The following SEPHS1 variants were observed in gnomAD, a reference collection of about 807,000 sequenced individuals.
SEPHS1 encodes zincore component SEPHS1.
A neutral mutation model predicts 39.2 loss-of-function variants in SEPHS1; 7 were observed. The ratio of observed to expected loss-of-function variants is 0.18; its 90% CI spans 0.10 to 0.34. SEPHS1 has a LOEUF of 0.34. SEPHS1 is among the 10% of genes least tolerant of loss of function. The pLI, the probability that SEPHS1 is intolerant of heterozygous loss-of-function variation, is 1.00. For synonymous variants in SEPHS1, 190 were observed against 195.5 expected (o/e 0.97, Z 0.23); for missense variants, 253 against 514.5 (o/e 0.49, Z 4.92).
In SEPHS1 at chr10:13,318,600, T is replaced by C. The variant is rs1833011610; in HGVS notation, c.*542A>G. The C allele has an allele frequency of 1.3e-5, 2 of 153,536 alleles. No homozygotes were observed. Among genetic ancestry groups the C allele is most frequent in the Admixed American group, 6.5e-5 (1 of 15,274 alleles). 9.5% of individuals were successfully genotyped at this position (153,536 alleles called of 1,614,324 possible). ...CTGAATGCACTACTGGAGAATGTTC[T>C]GGGTCCGAGATGCTCTTGAGAGACA... On this transcript the variant is annotated 3_prime_UTR_variant, in exon 9 of 9. Coordinates refer to ENST00000327347, the MANE Select transcript of SEPHS1 (RefSeq NM_012247.5).
chr10:13,321,883 T>C (rs1412511353), intron 8 of SEPHS1, among the ~76,000 whole-genome samples: 1 of 152,018 alleles, frequency 6.6e-6, no homozygotes, highest in Admixed American at 6.6e-5. Context: ...ACCAAATTAA[T>C]CAGGAAACAA....
At chr10:13,323,632 T>C (rs774768065) in intron 7 of SEPHS1, among the ~76,000 whole-genome samples, 57 of 152,258 alleles carry the variant, frequency 3.7e-4, no homozygotes, top group Non-Finnish European at 6.8e-4. Context: ...GGATTACAGA[T>C]GTGAGCCACC....
intron 7 of SEPHS1, among the ~76,000 whole-genome samples, chr10:13,326,329 C>A (rs1833289196): frequency 6.6e-6 from 1 of 151,946 alleles, no homozygotes; most frequent in South Asian, 2.1e-4. Context: ...CAAAAATTAG[C>A]CAGGCGTGGT....
chr10:13,335,782 A>G (rs1469278327), intron 4 of SEPHS1, among the ~76,000 whole-genome samples: 1 of 151,916 alleles, frequency 6.6e-6, no homozygotes, highest in Non-Finnish European at 1.5e-5. Context: ...GAGTTCAGGA[A>G]CAGCCTGGCC....
At chr10:13,336,645 A>G (rs997512156) in intron 3 of SEPHS1, among the ~76,000 whole-genome samples, 1 of 152,114 alleles carries the variant, frequency 6.6e-6, no homozygotes, top group Non-Finnish European at 1.5e-5. Flanking sequence ...ATTTATTTAG[A>G]TAGGGGAAGG....
At chr10:13,327,208 T>A (rs772500248) in intron 7 of SEPHS1, among the ~76,000 whole-genome samples, 2 of 119,686 alleles carry the variant, frequency 1.7e-5, no homozygotes, top group Non-Finnish European at 1.6e-5. Context: ...ACCAATGGAC[T>A]CCAGCCTGGG....
chr10:13,331,290 A>G lies in SEPHS1; in HGVS notation c.561-1502T>C, dbSNP rs149028311. Among the ~76,000 whole-genome samples, 1,168 of 152,336 alleles carry G rather than the reference A, an allele frequency of 7.7e-3. 9 individuals carry two copies. Among genetic ancestry groups the G allele is most frequent in the Non-Finnish European group, 0.013 (912 of 68,022 alleles). On this transcript the variant is annotated intron_variant, in intron 5 of 8. Coordinates refer to ENST00000327347, the MANE Select transcript of SEPHS1 (RefSeq NM_012247.5). ...AGCTATTGTGAATAGTGCTGCAATA[A>G]ACATATGTGTGCATGCGTCTTTACA...
At position 13,333,877 on chromosome 10, in the gene SEPHS1, T is replaced by G. The variant is rs1172500826; in HGVS notation, c.500A>C (p.Asn167Thr). Residue 167 changes from asparagine to threonine, a missense_variant, in exon 5 of 9, where the codon AAC becomes ACC. By Grantham distance (65) the Asn-to-Thr change is moderately conservative. Coordinates refer to ENST00000327347, the MANE Select transcript of SEPHS1 (RefSeq NM_012247.5). The part of the protein sequence containing the change: ...TSVTGGQTVL[N>T]PWIVLGGVAT... Reference sequence around the variant, plus strand: ...CACTCCTCCCAGGACAATCCAGGGGTTTAGTACTGTTTGGCCGCCTGTTAC... The same window carrying G: ...CACTCCTCCCAGGACAATCCAGGGGGTTAGTACTGTTTGGCCGCCTGTTAC... 1 of 1,613,878 alleles carries G rather than the reference T, an allele frequency of 6.2e-7. No homozygotes were observed.
At chr10:13,331,890 G>A (rs1833482399) in intron 5 of SEPHS1, among the ~76,000 whole-genome samples, 1 of 152,232 alleles carries the variant, frequency 6.6e-6, no homozygotes, top group Non-Finnish European at 1.5e-5. Context: ...AAGACAGACA[G>A]GAAAACAAGT....
At chr10:13,347,844 G>GC (rs1833977861) in intron 1 of SEPHS1, among the ~76,000 whole-genome samples, 156 bp downstream of exon 1, 1 of 143,100 alleles carries the variant, frequency 7.0e-6, no homozygotes, top group African/African-American at 2.5e-5. Flanking sequence ...GCCCGGCGCT[G>GC]CCCCTCTCCA....
intron 8 of SEPHS1, 135 bp from the exon 9 acceptor site, chr10:13,319,491 T>A: frequency 2.3e-6 from 2 of 883,200 alleles, no homozygotes; most frequent in South Asian, 1.5e-5. Context: ...CCCATTCAAC[T>A]AAGCAGCTTT....
chr10:13,332,288 G>A (rs997961805), intron 5 of SEPHS1, among the ~76,000 whole-genome samples: 1 of 152,178 alleles, frequency 6.6e-6, no homozygotes, highest in Non-Finnish European at 1.5e-5. Flanking sequence ...CATGCTGCAC[G>A]ATTCCATTTC....
In SEPHS1 at chr10:13,324,635, G is replaced by A. The variant is rs1332867132; in HGVS notation, c.752-1588C>T. Among the ~76,000 whole-genome samples the A allele has an allele frequency of 2.0e-5, 3 of 152,148 alleles. No individual in the cohort carries two copies. The East Asian group carries it at 5.8e-4, about 29-fold the overall frequency. ...GTGTTTTTGGGTTTTTTTTGAGACA[G>A]GGTCTCGCTTTGTCACCCAGGCTGG... is the stretch of plus-strand genomic sequence containing the variant. On this transcript the variant is annotated intron_variant, in intron 7 of 8. Transcript: ENST00000327347.
intron 1 of SEPHS1, 157 bp from the exon 2 acceptor site, chr10:13,345,185 G>A (rs996483967): frequency 5.4e-6 from 2 of 372,790 alleles, no homozygotes; most frequent in East Asian, 8.0e-5. Flanking sequence ...TGACAAAATA[G>A]ATCTTTTCAT....
intron 8 of SEPHS1, among the ~76,000 whole-genome samples, chr10:13,319,961 A>T (rs1833052999): frequency 6.6e-6 from 1 of 152,224 alleles, no homozygotes; most frequent in Non-Finnish European, 1.5e-5. Context: ...AGCTACACTG[A>T]AACAAATATT....
intron 7 of SEPHS1, among the ~76,000 whole-genome samples, chr10:13,327,184 T>A (rs1833326396): frequency 7.5e-6 from 1 of 133,380 alleles, no homozygotes; most frequent in African/African-American, 2.9e-5. Context: ...GCGGTTGCAG[T>A]GAGCCGAGAT....
At chr10:13,330,031 G>A (rs1833419269) in intron 5 of SEPHS1, among the ~76,000 whole-genome samples, 1 of 152,172 alleles carries the variant, frequency 6.6e-6, no homozygotes, top group Non-Finnish European at 1.5e-5. Context: ...CCAGCACTTT[G>A]AGAGGTCAAG....
At chr10:13,329,458 A>C (rs1012761288) in intron 6 of SEPHS1, among the ~76,000 whole-genome samples, 1 of 152,226 alleles carries the variant, frequency 6.6e-6, no homozygotes, top group African/African-American at 2.4e-5. Flanking sequence ...CCTGCCGAGC[A>C]AATTCTTTAC....
intron 5 of SEPHS1, among the ~76,000 whole-genome samples, chr10:13,330,194 G>A (rs577924871): frequency 2.0e-5 from 3 of 152,244 alleles, no homozygotes; most frequent in African/African-American, 4.8e-5. Context: ...GACCACATAC[G>A]AGTGTATGTG....
Sources: allele counts gnomAD v4.1 joint callset (sites outside exome capture counted in the v4.1 genomes callset), GRCh38; gene constraint gnomAD v4.1.1; transcripts MANE v1.5; gene names NCBI Gene and HGNC (gene_info 2026-07-23, HGNC 2026-07-21).